The following MT1A variants were observed in gnomAD, a reference collection of about 807,000 sequenced individuals.
MT1A encodes metallothionein 1A, also known as metallothionein-1A.
Under a neutral mutation model 5.5 loss-of-function variants are expected in MT1A, and 6 were observed. The ratio of observed to expected loss-of-function variants is 1.09; its 90% CI spans 0.60 to 2.16. The LOEUF is 2.16. MT1A is among the 30% of genes most tolerant of loss of function. MT1A has a pLI of 0.00. For synonymous variants in MT1A, 23 were observed against 24.8 expected (o/e 0.93, Z 0.21); for missense variants, 69 against 73.4 (o/e 0.94, Z 0.22).
At position 56,639,265 on chromosome 16, in the gene MT1A, T is replaced by TGCA. The variant is rs1960413807; in HGVS notation, c.31_32insCAG (p.Gly10_Gly11insAla). On this transcript the variant is annotated inframe_insertion and splice_region_variant, in exon 2 of 3. Transcript: ENST00000290705. ...ACTGCCTTTTTCTCTTCCTTGCAGG[T>TGCA]GGCTCCTGCACCTGCACTGGCTCCT... 6.2e-7 allele frequency: 1 copy of TGCA among 1,611,758 alleles called. No homozygotes were observed. Among genetic ancestry groups the TGCA allele is most frequent in the Non-Finnish European group, 8.5e-7 (1 of 1,178,486 alleles).
rs1264946103 is a variant in MT1A at position 56,639,298 on chromosome 16, CAA to C, written c.65_66del (p.Lys22ArgfsTer50). ...SCTCTGSCKC[K>X]ECKCTSCKKS... ...GCACCTGCACTGGCTCCTGCAAATGCAAAGAGTGCAAATGCACCTCCTGCAAG... is the reference window on the plus strand; with the variant it reads ...GCACCTGCACTGGCTCCTGCAAATGCAGAGTGCAAATGCACCTCCTGCAAG... On this transcript the variant is annotated frameshift_variant, in exon 2 of 3. Transcript: ENST00000290705. LOFTEE classifies it high-confidence loss of function. 11 of 1,612,154 alleles carry C rather than the reference CAA, an allele frequency of 6.8e-6. No homozygotes were observed. The highest frequency in any genetic ancestry group is 5.3e-5 in the African/African-American group (4 of 75,036).
At chr16:56,639,186 C>A in intron 1 of MT1A, 78 bp from the exon 2 acceptor site, 1 of 1,516,784 alleles carries the variant, frequency 6.6e-7, no homozygotes, top group South Asian at 1.1e-5. Context: ...CCTGGCAATG[C>A]ACTCAGCTGG....
At chr16:56,639,468 A>G (rs1332767352) in intron 2 of MT1A, 139 bp downstream of exon 2, 6 of 1,127,894 alleles carry the variant, frequency 5.3e-6, no homozygotes, top group Non-Finnish European at 7.8e-6. Flanking sequence ...TCAGAGCCAG[A>G]TCTTTAGACG....
At chr16:56,639,483 G>A (rs1014601690) in intron 2 of MT1A, among the ~76,000 whole-genome samples, 154 bp downstream of exon 2, 3 of 150,816 alleles carry the variant, frequency 2.0e-5, no homozygotes, top group Non-Finnish European at 4.4e-5. Context: ...TAGACGTGAT[G>A]GATTCCCAAG....
chr16:56,638,743 A>G lies in MT1A; in HGVS notation c.5A>G (p.Asp2Gly). The G allele has an allele frequency of 6.2e-7, 1 of 1,613,566 alleles. No homozygotes were observed. Among genetic ancestry groups the G allele is most frequent in the Non-Finnish European group, 8.5e-7 (1 of 1,179,910 alleles). Residue 2 changes from aspartate (D) to glycine (G), a missense_variant, in exon 1 of 3, where the codon GAC (aspartate) becomes GGC (glycine). Coordinates refer to ENST00000290705, the MANE Select transcript of MT1A (RefSeq NM_005946.3). Reference protein sequence around the residue: MDPNCSCATGGS... With the variant: MGPNCSCATGGS... The stretch of plus-strand genomic sequence containing the variant: ...CCAACCTCACCGCGGCTCGAAATGG[A>G]CCCCAACTGCTCCTGCGCCACTGGT...
chr16:56,639,116 C>A, intron 1 of MT1A, 148 bp from the exon 2 acceptor site: 1 of 982,060 alleles, frequency 1.0e-6, no homozygotes, highest in Non-Finnish European at 1.5e-6. Context: ...CTAGCCTCTA[C>A]AGATAGAAGT....
intron 1 of MT1A, 72 bp downstream of exon 1, chr16:56,638,838 G>A (rs1960409671): frequency 1.9e-6 from 3 of 1,586,500 alleles, no homozygotes; most frequent in Non-Finnish European, 2.6e-6. Flanking sequence ...CCTAGGAGTA[G>A]AGGTGTTTTT....
At chr16:56,639,175 G>A (rs1010864296) in intron 1 of MT1A, 89 bp from the exon 2 acceptor site, 13 of 1,443,258 alleles carry the variant, frequency 9.0e-6, no homozygotes, top group Non-Finnish European at 1.3e-5. Context: ...TATCTATCAG[G>A]CCTGGCAATG....
chr16:56,639,854 C>T lies in MT1A; in HGVS notation c.95-5C>T, dbSNP rs200891531. ...TCTGACCTCTCACTCTCCCTTCTTC[C>T]CCAGGCTGCTGCTCCTGCTGCCCCA... On this transcript the variant is annotated splice_polypyrimidine_tract_variant and splice_region_variant and intron_variant, in intron 2 of 2. Transcript: ENST00000290705. 6.2e-7 allele frequency: 1 copy of T among 1,614,116 alleles called. No individual in the cohort carries two copies. The highest frequency in any genetic ancestry group is 1.7e-4 in the Middle Eastern group (1 of 6,060).
At chr16:56,639,756 G>T in intron 2 of MT1A, 103 bp from the exon 3 acceptor site, 9 of 1,462,484 alleles carry the variant, frequency 6.2e-6, no homozygotes, top group Non-Finnish European at 8.5e-6. Flanking sequence ...CCTGAACTAA[G>T]TGTCCTCTGG....
chr16:56,638,683 CGCCTTATA>C lies in MT1A; in HGVS notation c.-51_-44del, dbSNP rs1290835256. 3.7e-6 allele frequency: 6 copies of C among 1,602,898 alleles called. No homozygotes were observed. In the African/African-American group the frequency reaches 5.3e-5, roughly 14 times the overall value. On this transcript the variant is annotated 5_prime_UTR_variant, in exon 1 of 3. Transcript: ENST00000290705. The stretch of plus-strand genomic sequence containing the variant: ...TGGGCCCTACCAAGCCTTCCACGTG[CGCCTTATA>C]GCCTCTCAACTTCTTGCTTGGGATC...
intron 2 of MT1A, 90 bp downstream of exon 2, chr16:56,639,419 C>T (rs1960416432): frequency 7.2e-7 from 1 of 1,388,356 alleles, no homozygotes; most frequent in South Asian, 1.2e-5. Flanking sequence ...GGCCAATGAT[C>T]CATTTCCCAC....
Position 56,639,298 on chromosome 16 carries a change from C to T in MT1A, c.63C>T (p.Cys21=), listed in dbSNP as rs750639688. 2 of 1,612,036 alleles carry T rather than the reference C, an allele frequency of 1.2e-6. No homozygotes were observed. Among genetic ancestry groups the T allele is most frequent in the Admixed American group, 1.7e-5 (1 of 59,934 alleles). Residue 21 remains cysteine (C), a synonymous_variant, in exon 2 of 3, where the codon TGC becomes TGT. Coordinates refer to ENST00000290705, the MANE Select transcript of MT1A (RefSeq NM_005946.3). ...GSCTCTGSCK[C]KECKCTSCKK... ...GCACCTGCACTGGCTCCTGCAAATG[C>T]AAAGAGTGCAAATGCACCTCCTGCA...
chr16:56,638,698 C>T lies in MT1A; in HGVS notation c.-41C>T. Reference sequence around the variant, plus strand: ...CTTCCACGTGCGCCTTATAGCCTCTCAACTTCTTGCTTGGGATCTCCAACC... The same window carrying T: ...CTTCCACGTGCGCCTTATAGCCTCTTAACTTCTTGCTTGGGATCTCCAACC... On this transcript the variant is annotated 5_prime_UTR_variant, in exon 1 of 3. Coordinates refer to ENST00000290705, the MANE Select transcript of MT1A (RefSeq NM_005946.3). 6.2e-7 allele frequency: 1 copy of T among 1,613,704 alleles called. No homozygotes were observed. The highest frequency in any genetic ancestry group is 8.5e-7 in the Non-Finnish European group (1 of 1,179,614).
At chr16:56,639,744 A>G (rs1216540961) in intron 2 of MT1A, 115 bp from the exon 3 acceptor site, 1 of 1,374,214 alleles carries the variant, frequency 7.3e-7, no homozygotes, top group East Asian at 2.3e-5. Context: ...AGTGCATGCC[A>G]TCCTGAACTA....
intron 1 of MT1A, 22 bp from the exon 2 acceptor site, chr16:56,639,242 T>G: frequency 1.9e-6 from 3 of 1,610,784 alleles, no homozygotes; most frequent in Non-Finnish European, 2.5e-6. Context: ...TAAAATTCAC[T>G]GCCTTTTTCT....
chr16:56,638,944 C>A (rs1440099148), intron 1 of MT1A, among the ~76,000 whole-genome samples, 178 bp downstream of exon 1: 3 of 152,148 alleles, frequency 2.0e-5, no homozygotes, highest in Non-Finnish European at 4.4e-5. Flanking sequence ...TCTAATGCCT[C>A]CCATTTCAGA....
Position 56,639,263 on chromosome 16 carries a change from G to T in MT1A, c.29-1G>T. The stretch of plus-strand genomic sequence containing the variant: ...TCACTGCCTTTTTCTCTTCCTTGCA[G>T]GTGGCTCCTGCACCTGCACTGGCTC... On this transcript the variant is annotated splice_acceptor_variant, in intron 1 of 2. Coordinates refer to ENST00000290705, the MANE Select transcript of MT1A (RefSeq NM_005946.3). LOFTEE classifies it high-confidence loss of function. 1 of 1,611,858 alleles carries T rather than the reference G, an allele frequency of 6.2e-7. No homozygotes were observed. The highest frequency in any genetic ancestry group is 1.1e-5 in the South Asian group (1 of 91,062).
intron 2 of MT1A, 128 bp from the exon 3 acceptor site, chr16:56,639,731 G>T (rs1162073375): frequency 8.0e-7 from 1 of 1,250,694 alleles, no homozygotes; most frequent in South Asian, 1.3e-5. Context: ...TCCCATCTCC[G>T]ACAGTGCATG....
Sources: gnomAD v4.1 joint callset for allele counts (sites outside exome capture counted in the v4.1 genomes callset) on GRCh38, gnomAD v4.1.1 for gene constraint, MANE v1.5 for transcripts, NCBI Gene and HGNC (gene_info 2026-07-23, HGNC 2026-07-21) for gene names.